Variants in RBM28 observed in about 807,000 individuals in gnomAD.
RBM28 encodes RNA-binding protein 28.
A neutral mutation model predicts 98.3 loss-of-function variants in RBM28; 78 were observed. That is an observed-to-expected ratio of 0.79 (90% CI 0.66 to 0.96). The LOEUF (loss-of-function observed/expected upper bound fraction) is 0.96. Among genes scored for constraint, RBM28 ranks in the 40% least tolerant of loss-of-function variants. The pLI, the probability that RBM28 is intolerant of heterozygous loss-of-function variation, is 0.00. For missense variants in RBM28, 838 were observed against 913.0 expected (o/e 0.92, Z 1.06); for synonymous variants, 306 against 330.9 (o/e 0.92, Z 0.82).
intron 6 of RBM28, 72 bp downstream of exon 6, chr7:128,337,058 AC>A: frequency 6.8e-7 from 1 of 1,477,352 alleles, no homozygotes; most frequent in Non-Finnish European, 9.5e-7. Context: ...TTTATCATGA[AC>A]ACAGGAGTTG....
Position 128,310,712 on chromosome 7 carries a change from G to T in RBM28, c.*85C>A. Reference sequence around the variant, plus strand: ...GCCCTTGGGGATTTTCTTTCCCTCAGTGAGAGACACGGGGGATGGGGAGGA... The same window carrying T: ...GCCCTTGGGGATTTTCTTTCCCTCATTGAGAGACACGGGGGATGGGGAGGA... On this transcript the variant is annotated 3_prime_UTR_variant, in exon 19 of 19. Coordinates refer to ENST00000223073, the MANE Select transcript of RBM28 (RefSeq NM_018077.3). 6.4e-7 allele frequency: 1 copy of T among 1,559,036 alleles called. No homozygotes were observed. The highest frequency in any genetic ancestry group is 1.4e-5 in the African/African-American group (1 of 73,968).
At chr7:128,330,133 G>A (rs1394723568) in intron 10 of RBM28, among the ~76,000 whole-genome samples, 2 of 151,866 alleles carry the variant, frequency 1.3e-5, no homozygotes, top group Non-Finnish European at 2.9e-5. Flanking sequence ...GAGTTTTTCT[G>A]TCAGCTTCTA....
At chr7:128,332,171 G>A (rs1018711200) in intron 9 of RBM28, among the ~76,000 whole-genome samples, 2 of 152,142 alleles carry the variant, frequency 1.3e-5, no homozygotes, top group Non-Finnish European at 2.9e-5. Flanking sequence ...CACATGGAAA[G>A]ACATGCAGTT....
In RBM28 at chr7:128,301,779, G is replaced by A. The variant is rs543095908; in HGVS notation, c.*9018C>T. On this transcript the variant is annotated 3_prime_UTR_variant, in exon 19 of 19. Coordinates refer to ENST00000223073, the MANE Select transcript of RBM28 (RefSeq NM_018077.3). ...TCACTGCACTGGCTATTAAGTGCCT[G>A]CTCTCTACTAGGGATTCCTAGGGGG... is the stretch of plus-strand genomic sequence containing the variant. 7 of 152,356 alleles carry A rather than the reference G, an allele frequency of 4.6e-5. No individual in the cohort carries two copies. In the South Asian group the frequency reaches 1.2e-3, roughly 27 times the overall value. 9.4% of individuals were successfully genotyped at this position (152,356 alleles called of 1,614,324 possible).
At chr7:128,343,473 C>T (rs1796772396) in intron 1 of RBM28, among the ~76,000 whole-genome samples, 1 of 152,182 alleles carries the variant, frequency 6.6e-6, no homozygotes, top group South Asian at 2.1e-4. Context: ...ACAGAAAGCG[C>T]TATAGAAACG....
intron 3 of RBM28, among the ~76,000 whole-genome samples, 198 bp from the exon 4 acceptor site, chr7:128,338,999 C>G (rs776822027): frequency 1.3e-5 from 2 of 152,170 alleles, no homozygotes; most frequent in Non-Finnish European, 2.9e-5. Context: ...CGTCTGAGAA[C>G]TTTTTCTACC....
intron 1 of RBM28, chr7:128,341,322 C>T: frequency 2.0e-6 from 1 of 489,556 alleles, no homozygotes; most frequent in East Asian, 7.0e-5. Flanking sequence ...AAATTCATAG[C>T]CCTTCATGAT....
At chr7:128,332,356 AT>A (rs573108717) in intron 9 of RBM28, among the ~76,000 whole-genome samples, 12,873 of 145,564 alleles carry the variant, frequency 0.088, 669 homozygotes, top group African/African-American at 0.15. Flanking sequence ...AAGAAAACAA[AT>A]TTTTTTTTTT....
At position 128,310,732 on chromosome 7, in the gene RBM28, G is replaced by C. The variant is rs1261817629; in HGVS notation, c.*65C>G. ...CCTCAGTGAGAGACACGGGGGATGG[G>C]GAGGAGCCCAGGAGTGTCACCAGAA... On this transcript the variant is annotated 3_prime_UTR_variant, in exon 19 of 19. Coordinates refer to ENST00000223073, the MANE Select transcript of RBM28 (RefSeq NM_018077.3). 6.3e-7 allele frequency: 1 copy of C among 1,596,668 alleles called. No individual in the cohort carries two copies. Among genetic ancestry groups the C allele is most frequent in the Non-Finnish European group, 8.6e-7 (1 of 1,168,798 alleles).
rs1284960510 is a variant in RBM28 at position 128,318,147 on chromosome 7, A to G, written c.1564-41T>C. On this transcript the variant is annotated intron_variant, in intron 14 of 18. Coordinates refer to ENST00000223073, the MANE Select transcript of RBM28 (RefSeq NM_018077.3). ...GAAAAAAATCAGTAATTACAGAATG[A>G]GAAGACTTGCCTGACATGAACTGCT... 3 of 1,564,958 alleles carry G rather than the reference A, an allele frequency of 1.9e-6. No homozygotes were observed. The African/African-American group carries it at 4.1e-5, about 21-fold the overall frequency.
rs1584624544 is a variant in RBM28, at chr7:128,301,406, C to T, written c.*9391G>A. The stretch of plus-strand genomic sequence containing the variant: ...GTGGGCAAAGGGTGAGTCTCAGCTT[C>T]ACAGGGCTGCAGCATCAGCAGCCTC... On this transcript the variant is annotated 3_prime_UTR_variant, in exon 19 of 19. Coordinates refer to ENST00000223073, the MANE Select transcript of RBM28 (RefSeq NM_018077.3). 1 of 152,358 alleles carries T rather than the reference C, an allele frequency of 6.6e-6. No individual in the cohort carries two copies. The highest frequency in any genetic ancestry group is 1.9e-4 in the East Asian group (1 of 5,182). 9.4% of individuals were successfully genotyped at this position (152,358 alleles called of 1,614,324 possible). A position where few individuals can be genotyped will look rare whatever the true frequency, so the allele number is the denominator to read the frequency against.
At position 128,343,725 on chromosome 7, in the gene RBM28, C is replaced by G. The variant is rs768941143; in HGVS notation, c.69G>C (p.Leu23=). The G allele has an allele frequency of 6.2e-7, 1 of 1,611,932 alleles. No individual in the cohort carries two copies. The highest frequency in any genetic ancestry group is 8.5e-7 in the Non-Finnish European group (1 of 1,178,878). The stretch of plus-strand genomic sequence containing the variant: ...GCTTCACCGGCCCCACCTGACTGAA[C>G]AGTTCCTCCAGCTGCTCACTGCGGG... ...PSARSEQLEE[L]FSQVGPVKQC... Residue 23 remains leucine (L), a synonymous_variant, in exon 1 of 19, where the codon CTG becomes CTC. Coordinates refer to ENST00000223073, the MANE Select transcript of RBM28 (RefSeq NM_018077.3).
chr7:128,310,335 G>GGTCGCCGT lies in RBM28; in HGVS notation c.*461_*462insACGGCGAC. 4 of 244,952 alleles carry GGTCGCCGT rather than the reference G, an allele frequency of 1.6e-5. No homozygotes were observed. Among genetic ancestry groups the GGTCGCCGT allele is most frequent in the South Asian group, 1.1e-4 (2 of 18,858 alleles). The allele number at this position is 244,952 out of a possible 1,614,324, so 15.2% of individuals were successfully genotyped here. On this transcript the variant is annotated 3_prime_UTR_variant, in exon 19 of 19. Transcript: ENST00000223073. ...CTGCAGTGTGTAAGACTACAGAGCTGAATTAGGAATGTCAAAGAATGTTCA... is the reference window on the plus strand; with the variant it reads ...CTGCAGTGTGTAAGACTACAGAGCTGGTCGCCGTAATTAGGAATGTCAAAGAATGTTCA...
rs924854242 is a variant in RBM28 at position 128,303,046 on chromosome 7, G to A, written c.*7751C>T. ...CCCATAGTGCTGGGGTTACAGGTAT[G>A]AGCCACCAAGCCCAGCTGGAAGTTT... On this transcript the variant is annotated 3_prime_UTR_variant, in exon 19 of 19. Coordinates refer to ENST00000223073, the MANE Select transcript of RBM28 (RefSeq NM_018077.3). 8 of 152,212 alleles carry A rather than the reference G, an allele frequency of 5.3e-5. No homozygotes were observed. Among genetic ancestry groups the A allele is most frequent in the African/African-American group, 2.4e-5 (1 of 41,442 alleles). 9.4% of individuals were successfully genotyped at this position (152,212 alleles called of 1,614,324 possible). A position where few individuals can be genotyped will look rare whatever the true frequency, so the allele number is the denominator to read the frequency against.
At chr7:128,338,473 G>A in intron 4 of RBM28, 131 bp from the exon 5 acceptor site, 3 of 803,818 alleles carry the variant, frequency 3.7e-6, no homozygotes, top group Non-Finnish European at 6.4e-6. Context: ...CTTCCCCAAA[G>A]CAATTGCTTA....
rs1011550853 is a variant in RBM28, at chr7:128,302,503, A to G, written c.*8294T>C. 1.1e-4 allele frequency: 16 copies of G among 152,198 alleles called. No individual in the cohort carries two copies. The highest frequency in any genetic ancestry group is 3.9e-4 in the African/African-American group (16 of 41,442). The allele number at this position is 152,198 out of a possible 1,614,324, so 9.4% of individuals were successfully genotyped here. A position where few individuals can be genotyped will look rare whatever the true frequency, so the allele number is the denominator to read the frequency against. ...AAGATGTCTGCAGAATTCGGGGAAA[A>G]GCAGTTATAAAACTGAGTAGAGCCA... On this transcript the variant is annotated 3_prime_UTR_variant, in exon 19 of 19. Coordinates refer to ENST00000223073, the MANE Select transcript of RBM28 (RefSeq NM_018077.3).
chr7:128,325,897 C>T lies in RBM28; in HGVS notation c.1130-6G>A, dbSNP rs775866836. ...GAACTGGGCAAATGCACAACCTGCA[C>T]AAGGAGACACAATTCAGTGAGATCC... On this transcript the variant is annotated splice_polypyrimidine_tract_variant and splice_region_variant and intron_variant, in intron 10 of 18. Transcript: ENST00000223073. 3 of 1,611,738 alleles carry T rather than the reference C, an allele frequency of 1.9e-6. No individual in the cohort carries two copies. Among genetic ancestry groups the T allele is most frequent in the South Asian group, 1.1e-5 (1 of 91,022 alleles).
At chr7:128,338,377 C>T (rs1292111600) in intron 4 of RBM28, 35 bp from the exon 5 acceptor site, 1 of 1,547,496 alleles carries the variant, frequency 6.5e-7, no homozygotes, top group Admixed American at 1.7e-5. Context: ...AAGTGAGAGG[C>T]AGCAGGAGGT....
chr7:128,336,099 T>C, intron 6 of RBM28, 57 bp from the exon 7 acceptor site: 2 of 1,483,316 alleles, frequency 1.3e-6, no homozygotes, highest in Non-Finnish European at 1.8e-6. Context: ...CAATGTTATT[T>C]TAACAAAAGT....
Sources: gnomAD v4.1 joint callset for allele counts (sites outside exome capture counted in the v4.1 genomes callset) on GRCh38, gnomAD v4.1.1 for gene constraint, MANE v1.5 for transcripts, NCBI Gene and HGNC (gene_info 2026-07-23, HGNC 2026-07-21) for gene names.